The following LRRC37A2 variants were observed in gnomAD, a reference collection of about 807,000 sequenced individuals.
The protein encoded by LRRC37A2 is leucine rich repeat containing 37 member A2, also known as leucine-rich repeat-containing protein 37A2.
LRRC37A2 carries 9 observed loss-of-function variants against 68.8 expected under a neutral mutation model. The ratio of observed to expected loss-of-function variants is 0.13; its 90% CI spans 0.08 to 0.23. LRRC37A2 has a LOEUF of 0.23. Among genes scored for constraint, LRRC37A2 ranks in the 10% least tolerant of loss-of-function variants. LRRC37A2 has a pLI of 1.00. For missense variants in LRRC37A2, 168 were observed against 950.4 expected (o/e 0.18, Z 10.82); for synonymous variants, 63 against 367.6 (o/e 0.17, Z 9.48).
chr17:46,883,864 G>A, the LRRC37A2 span, among the ~76,000 whole-genome samples: 2 of 152,204 alleles, frequency 1.3e-5, no homozygotes, highest in East Asian at 1.9e-4. Flanking sequence ...CCTCTCACGC[G>A]TCTTATCCCC....
At chr17:46,809,549 G>A in the LRRC37A2 span, among the ~76,000 whole-genome samples, 1 of 152,204 alleles carries the variant, frequency 6.6e-6, no homozygotes, top group Non-Finnish European at 1.5e-5. Flanking sequence ...CTGTCTCCTA[G>A]TTTGCTAGGC....
At chr17:46,846,651 T>G in the LRRC37A2 span, among the ~76,000 whole-genome samples, 1 of 152,228 alleles carries the variant, frequency 6.6e-6, no homozygotes, top group Non-Finnish European at 1.5e-5. Context: ...CTTCTCTGCA[T>G]TCAGCCTGCC....
At chr17:46,785,235 G>T in the LRRC37A2 span, among the ~76,000 whole-genome samples, 1 of 152,340 alleles carries the variant, frequency 6.6e-6, no homozygotes, top group African/African-American at 2.4e-5. Flanking sequence ...CTGGGATCCA[G>T]GTTCTGGGTC....
the LRRC37A2 span, among the ~76,000 whole-genome samples, chr17:46,841,520 C>A: frequency 6.6e-6 from 1 of 152,222 alleles, no homozygotes; most frequent in Non-Finnish European, 1.5e-5. Context: ...GCCAACAGGC[C>A]AACTAAGCCA....
chr17:46,786,946 T>A, the LRRC37A2 span, among the ~76,000 whole-genome samples: 5 of 151,628 alleles, frequency 3.3e-5, no homozygotes, highest in African/African-American at 1.2e-4. Context: ...TTTTTCTTTT[T>A]TTTTTTTTTG....
At chr17:46,874,391 G>C in the LRRC37A2 span, among the ~76,000 whole-genome samples, 1 of 152,114 alleles carries the variant, frequency 6.6e-6, no homozygotes, top group Non-Finnish European at 1.5e-5. Context: ...GTCATACACC[G>C]ACCTGGAGTC....
the LRRC37A2 span, among the ~76,000 whole-genome samples, chr17:46,715,316 C>T: frequency 1.3e-5 from 2 of 152,174 alleles, no homozygotes; most frequent in Non-Finnish European, 2.9e-5. Flanking sequence ...AGTGATTTCC[C>T]TAGAGTAGGT....
At chr17:46,499,251 G>T in the LRRC37A2 span, among the ~76,000 whole-genome samples, 1 of 127,922 alleles carries the variant, frequency 7.8e-6, no homozygotes, top group African/African-American at 3.5e-5. Flanking sequence ...GGTGGAGGTT[G>T]CAGGGAGCCA....
At chr17:46,830,972 G>C in the LRRC37A2 span, 1 of 391,960 alleles carries the variant, frequency 2.6e-6, no homozygotes, top group Non-Finnish European at 4.5e-6. Flanking sequence ...CATAGTGTCT[G>C]GTTAGAATGA....
the LRRC37A2 span, chr17:46,875,227 G>C: frequency 2.9e-5 from 47 of 1,614,188 alleles, no homozygotes; most frequent in South Asian, 3.8e-4. Flanking sequence ...CTGGAGAGCC[G>C]GCAGGCCTGG....
At chr17:47,021,983 C>T in the LRRC37A2 span, 1 of 1,433,012 alleles carries the variant, frequency 7.0e-7, no homozygotes, top group Non-Finnish European at 9.8e-7. Flanking sequence ...TTTCTTGGTC[C>T]AGCATTTTGA....
chr17:46,839,522 TTA>T, the LRRC37A2 span, among the ~76,000 whole-genome samples: 7 of 151,478 alleles, frequency 4.6e-5, no homozygotes, highest in African/African-American at 1.2e-4. Flanking sequence ...TGTAAATTCT[TTA>T]TATATATATA....
chr17:46,897,244 T>C, the LRRC37A2 span, among the ~76,000 whole-genome samples: 1 of 152,158 alleles, frequency 6.6e-6, no homozygotes, highest in Non-Finnish European at 1.5e-5. Flanking sequence ...GGCCAGCACC[T>C]GGAACTGTGG....
At chr17:46,963,250 G>A in the LRRC37A2 span, among the ~76,000 whole-genome samples, 1 of 152,230 alleles carries the variant, frequency 6.6e-6, no homozygotes, top group Non-Finnish European at 1.5e-5. Context: ...GATCAGTTAA[G>A]TAGGCAGATG....
At chr17:47,032,846 T>G in the LRRC37A2 span, among the ~76,000 whole-genome samples, 2 of 152,262 alleles carry the variant, frequency 1.3e-5, no homozygotes, top group African/African-American at 4.8e-5. Flanking sequence ...TCTGCCAGAT[T>G]CCAGGTCCCT....
At chr17:46,903,641 A>G in the LRRC37A2 span, among the ~76,000 whole-genome samples, 2 of 152,048 alleles carry the variant, frequency 1.3e-5, no homozygotes, top group African/African-American at 4.8e-5. Flanking sequence ...CCAGTACCCT[A>G]CACCAAATCT....
At chr17:46,605,007 G>A in the LRRC37A2 span, among the ~76,000 whole-genome samples, 139 of 1,112 alleles carry the variant, frequency 0.12, 1 homozygote, top group East Asian at 0.43. Context: ...GAATGAGGCA[G>A]AGGCAGTATT....
the LRRC37A2 span, among the ~76,000 whole-genome samples, chr17:46,962,005 G>A: frequency 6.6e-6 from 1 of 152,084 alleles, no homozygotes; most frequent in Non-Finnish European, 1.5e-5. Context: ...CTAAAATGAG[G>A]ATAAGGGAGT....
At chr17:46,824,154 C>T in the LRRC37A2 span, among the ~76,000 whole-genome samples, 1 of 152,204 alleles carries the variant, frequency 6.6e-6, no homozygotes, top group Admixed American at 6.5e-5. Flanking sequence ...CCCCTCCAGA[C>T]CCCTTGCCAC....
Sources: allele counts gnomAD v4.1 joint callset (sites outside exome capture counted in the v4.1 genomes callset), GRCh38; gene constraint gnomAD v4.1.1; transcripts MANE v1.5; gene names NCBI Gene and HGNC (gene_info 2026-07-23, HGNC 2026-07-21).